The following AFF4 variants were observed in gnomAD, a reference collection of about 807,000 sequenced individuals.
AFF4 encodes the protein ALF transcription elongation factor 4, also known as AF4/FMR2 family member 4.
A neutral mutation model predicts 124.8 loss-of-function variants in AFF4; 13 were observed. The observed-to-expected ratio is 0.10, with a 90% CI of 0.07 to 0.17. The LOEUF is 0.17. AFF4 is among the 10% of genes least tolerant of loss of function. The pLI, the probability that AFF4 is intolerant of heterozygous loss-of-function variation, is 1.00. For missense variants in AFF4, 1,092 were observed against 1,403.8 expected (o/e 0.78, Z 3.55); for synonymous variants, 477 against 496.1 (o/e 0.96, Z 0.51).
chr5:132,886,197 G>A, intron 18 of AFF4, 113 bp downstream of exon 18: 2 of 853,536 alleles, frequency 2.3e-6, no homozygotes, highest in Non-Finnish European at 3.7e-6. Flanking sequence ...GTCCCAAACA[G>A]TAGCTCCTCC....
intron 13 of AFF4, among the ~76,000 whole-genome samples, chr5:132,890,715 C>T (rs760527014): frequency 6.6e-6 from 1 of 152,038 alleles, no homozygotes; most frequent in Non-Finnish European, 1.5e-5. Flanking sequence ...TGTTAAGTGC[C>T]AAGAGCTATT....
intron 17 of AFF4, among the ~76,000 whole-genome samples, chr5:132,887,179 G>C (rs973427205): frequency 2.6e-5 from 4 of 152,236 alleles, no homozygotes; most frequent in Middle Eastern, 3.4e-3. Context: ...CCTTTATTCT[G>C]AACAAACTAG....
chr5:132,897,627 T>C (rs1760442305), intron 10 of AFF4, among the ~76,000 whole-genome samples: 1 of 151,880 alleles, frequency 6.6e-6, no homozygotes, highest in Admixed American at 6.6e-5. Flanking sequence ...GGAGAATCAC[T>C]TGAACCCGGG....
chr5:132,896,911 T>C lies in AFF4; in HGVS notation c.1719A>G (p.Ala573=), dbSNP rs754114956. The C allele has an allele frequency of 3.7e-6, 6 of 1,614,080 alleles. No individual in the cohort carries two copies. In the Admixed American group the frequency reaches 5.0e-5, roughly 13 times the overall value. The change falls in exon 11 of 21, where the codon GCA becomes GCG. Residue 573 remains alanine, a synonymous_variant. Transcript: ENST00000265343. The part of the protein sequence containing the change: ...GKKQPKKAEK[A]AAEEPRGGLK... ...GGCCTCCACGAGGCTCTTCAGCAGC[T>C]GCCTTCTCAGCCTTTTTGGGTTGTT... is the stretch of plus-strand genomic sequence containing the variant.
At chr5:132,937,562 T>C (rs189839544) in intron 1 of AFF4, 82 of 158,462 alleles carry the variant, frequency 5.2e-4, no homozygotes, top group Non-Finnish European at 1.1e-3. Context: ...GAAATCTGCC[T>C]ATTCTTTGCC....
In AFF4 at chr5:132,893,080, G is replaced by A; in HGVS notation, c.2346C>T (p.Pro782=). The A allele has an allele frequency of 6.2e-7, 1 of 1,614,042 alleles. No individual in the cohort carries two copies. Among genetic ancestry groups the A allele is most frequent in the South Asian group, 1.1e-5 (1 of 91,086 alleles). The change falls in exon 12 of 21, where the codon CCC becomes CCT. Residue 782 remains proline, a synonymous_variant. Transcript: ENST00000265343. ...DDNRASESKK[P]KTEDKNSAGH... is the part of the protein sequence containing the mutation. ...CTGCTGAATTCTTGTCCTCCGTTTT[G>A]GGTTTCTTGCTCTCACTGGCTCGGT... is the stretch of plus-strand genomic sequence containing the variant.
At chr5:132,932,622 T>C (rs1389263804) in intron 3 of AFF4, among the ~76,000 whole-genome samples, 3 of 152,202 alleles carry the variant, frequency 2.0e-5, no homozygotes, top group Non-Finnish European at 2.9e-5. Flanking sequence ...CTGCAAATTT[T>C]TTGTGTGAAA....
Position 132,896,396 on chromosome 5 carries a change from G to A in AFF4, c.2234C>T (p.Pro745Leu). 1.2e-6 allele frequency: 2 copies of A among 1,613,668 alleles called. No individual in the cohort carries two copies. Among genetic ancestry groups the A allele is most frequent in the Non-Finnish European group, 1.7e-6 (2 of 1,179,942 alleles). Residue 745 changes from proline (P) to leucine (L), a missense_variant, in exon 11 of 21, where the codon CCA becomes CTA. Physicochemically the swap from Pro to Leu is moderately conservative, Grantham distance 98 (BLOSUM62 -3). Transcript: ENST00000265343. The stretch of plus-strand genomic sequence containing the variant: ...CTGAGCCTCTCTCGTGTGCTTTTCT[G>A]GCACATTTTTCTTTTCCCCCTTGGG... ...EPPKGEKKNV[P>L]EKHTREAQKQ...
chr5:132,940,259 G>T (rs960896204), intron 1 of AFF4, among the ~76,000 whole-genome samples: 1 of 151,658 alleles, frequency 6.6e-6, no homozygotes, highest in Non-Finnish European at 1.5e-5. Flanking sequence ...TAGCAATTTG[G>T]GTGGCGGAGG....
intron 20 of AFF4, among the ~76,000 whole-genome samples, chr5:132,882,085 C>T (rs907834497): frequency 6.6e-6 from 1 of 151,876 alleles, no homozygotes; most frequent in Non-Finnish European, 1.5e-5. Context: ...TGGTGGCACA[C>T]ATCTGTAGTC....
rs1412518020 is a variant in AFF4, at chr5:132,879,877, G to C, written c.*1182C>G. On this transcript the variant is annotated 3_prime_UTR_variant, in exon 21 of 21. Coordinates refer to ENST00000265343, the MANE Select transcript of AFF4 (RefSeq NM_014423.4). Reference sequence around the variant, plus strand: ...TCCATCAGAAACATACATCATTGAAGAGGGCCTTCATAATGCAAAAGGAGT... The same window carrying C: ...TCCATCAGAAACATACATCATTGAACAGGGCCTTCATAATGCAAAAGGAGT... 2 of 252,720 alleles carry C rather than the reference G, an allele frequency of 7.9e-6. No homozygotes were observed. The highest frequency in any genetic ancestry group is 1.2e-4 in the East Asian group (2 of 17,196). The allele number at this position is 252,720 out of a possible 1,614,324, so 15.7% of individuals were successfully genotyped here. A position where few individuals can be genotyped will look rare whatever the true frequency, so the allele number is the denominator to read the frequency against.
chr5:132,953,688 T>A (rs962125921), intron 1 of AFF4, among the ~76,000 whole-genome samples: 1 of 152,194 alleles, frequency 6.6e-6, no homozygotes, highest in Non-Finnish European at 1.5e-5. Flanking sequence ...TTTTGCTGAA[T>A]TCTTCCTTCA....
intron 2 of AFF4, among the ~76,000 whole-genome samples, chr5:132,935,677 A>C (rs1345930053): frequency 2.6e-5 from 4 of 151,778 alleles, no homozygotes; most frequent in African/African-American, 7.3e-5. Flanking sequence ...AGGCTGAGGC[A>C]GGAGAATCGC....
At chr5:132,918,894 T>G (rs1314954099) in intron 5 of AFF4, among the ~76,000 whole-genome samples, 12 of 151,468 alleles carry the variant, frequency 7.9e-5, no homozygotes, top group Non-Finnish European at 1.6e-4. Flanking sequence ...GTTTGTTTTT[T>G]TTTTTTTTTG....
intron 5 of AFF4, among the ~76,000 whole-genome samples, chr5:132,918,047 G>C (rs1470812552): frequency 6.6e-6 from 1 of 150,544 alleles, no homozygotes; most frequent in Non-Finnish European, 1.5e-5. Flanking sequence ...AATTAGCAAG[G>C]AAAAATCAAA....
intron 5 of AFF4, among the ~76,000 whole-genome samples, chr5:132,924,723 C>T (rs1373448248): frequency 4.0e-5 from 6 of 151,290 alleles, no homozygotes; most frequent in Non-Finnish European, 8.8e-5. Flanking sequence ...GGCGTGGTGG[C>T]GTGTGCCTGT....
In AFF4 at chr5:132,934,431, A is replaced by G. The variant is rs748407117; in HGVS notation, c.634T>C (p.Ser212Pro). 3.1e-6 allele frequency: 5 copies of G among 1,613,976 alleles called. No individual in the cohort carries two copies. The highest frequency in any genetic ancestry group is 3.3e-5 in the Admixed American group (2 of 59,996). Residue 212 changes from serine to proline, a missense_variant, in exon 3 of 21, where the codon TCA becomes CCA. Transcript: ENST00000265343. ...HHSKEHQRSK[S>P]PRDPDANWDS... ...CAGTTTGCATCAGGGTCCCGAGGTG[A>G]TTTGGAGCGTTGATGTTCCTTGCTA...
At chr5:132,961,197 T>C (rs1207063783) in intron 1 of AFF4, among the ~76,000 whole-genome samples, 1 of 151,962 alleles carries the variant, frequency 6.6e-6, no homozygotes, top group Non-Finnish European at 1.5e-5. Flanking sequence ...TGCATTCCAG[T>C]GGTGTGATCT....
intron 5 of AFF4, among the ~76,000 whole-genome samples, chr5:132,915,113 CG>C (rs1310816158): frequency 1.3e-5 from 2 of 151,954 alleles, no homozygotes; most frequent in East Asian, 3.9e-4. Flanking sequence ...CCGAGGCAGG[CG>C]GATCACGAGG....
Sources: gnomAD v4.1 joint callset for allele counts (sites outside exome capture counted in the v4.1 genomes callset) on GRCh38, gnomAD v4.1.1 for gene constraint, MANE v1.5 for transcripts, NCBI Gene and HGNC (gene_info 2026-07-23, HGNC 2026-07-21) for gene names.